TCF25: variants seen among roughly 807,000 people sequenced by gnomAD.
TCF25 encodes ribosome quality control complex subunit TCF25.
A neutral mutation model predicts 83.1 loss-of-function variants in TCF25; 41 were observed. The ratio of observed to expected loss-of-function variants is 0.49; its 90% confidence interval spans 0.38 to 0.64. The LOEUF is 0.64. Among genes scored for constraint, TCF25 ranks in the 30% least tolerant of loss-of-function variants. The pLI, the probability that TCF25 is intolerant of heterozygous loss-of-function variation, is 0.00. For missense variants in TCF25, 979 were observed against 914.5 expected, an observed-to-expected ratio of 1.07 and a Z score of -0.91; for synonymous variants, 458 against 365.0, an observed-to-expected ratio of 1.25 and a Z score of -2.90.
At position 89,873,830 on chromosome 16, in the gene TCF25, G is replaced by T; in HGVS notation, c.163G>T (p.Gly55Cys). Residue 55 changes from glycine to cysteine, a missense_variant, in exon 1 of 18, where the codon GGC (glycine) becomes TGC (cysteine). Transcript: ENST00000263346. ...VRRPGGAGKE[G>C]VRVNNRFELI... ...GCGTCCCGGGGGCGCAGGGAAGGAGGGCGTCCGAGTCAACAACCGCTTCGA... is the reference window on the plus strand; with the variant it reads ...GCGTCCCGGGGGCGCAGGGAAGGAGTGCGTCCGAGTCAACAACCGCTTCGA... 1 of 1,578,820 alleles carries T rather than the reference G, an allele frequency of 6.3e-7. No individual in the cohort carries two copies. The highest frequency in any genetic ancestry group is 1.1e-5 in the South Asian group (1 of 87,070).
At chr16:89,898,430 T>G (rs1597349385) in intron 9 of TCF25, 127 bp from the exon 10 acceptor site, 4 of 774,142 alleles carry the variant, frequency 5.2e-6, no homozygotes, top group Non-Finnish European at 6.3e-6. Flanking sequence ...GTGTGTGGGG[T>G]GGAATGGGTG....
chr16:89,879,302 T>A (rs536196530), intron 1 of TCF25, among the ~76,000 whole-genome samples: 1 of 137,296 alleles, frequency 7.3e-6, no homozygotes, highest in African/African-American at 2.9e-5. Flanking sequence ...CAGACGGGCT[T>A]CAGAGCCTGT....
At position 89,895,135 on chromosome 16, in the gene TCF25, T is replaced by C. The variant is rs370050755; in HGVS notation, c.926T>C (p.Val309Ala). The C allele has an allele frequency of 3.7e-6, 6 of 1,611,852 alleles. No individual in the cohort carries two copies. The African/African-American group carries it at 6.7e-5, about 18-fold the overall frequency. Residue 309 changes from valine to alanine, a missense_variant and splice_region_variant, in exon 8 of 18, where the codon GTA (valine) becomes GCA (alanine). Val to Ala is a moderately conservative substitution (Grantham distance 64). Coordinates refer to ENST00000263346, the MANE Select transcript of TCF25 (RefSeq NM_014972.3). The part of the protein sequence containing the change: ...QEDQEMARDL[V>A]ERALYSMECA... ...GATCAGGAGATGGCTCGAGACCTCG[T>C]AGGTAAGGCAGAGCCCCCACCCCAT... is the stretch of plus-strand genomic sequence containing the variant.
chr16:89,891,550 C>A (rs1000634261), intron 5 of TCF25, among the ~76,000 whole-genome samples: 1 of 152,214 alleles, frequency 6.6e-6, no homozygotes, highest in African/African-American at 2.4e-5. Flanking sequence ...GCAGAGTGCC[C>A]TGACCTCTGT....
At chr16:89,878,520 C>T (rs2042363245) in intron 1 of TCF25, 1 of 1,230,348 alleles carries the variant, frequency 8.1e-7, no homozygotes. Flanking sequence ...TGGTTATTAA[C>T]TGAAATGCTG....
chr16:89,906,387 C>T (rs111384444), intron 15 of TCF25, 103 bp downstream of exon 15: 35 of 1,148,444 alleles, frequency 3.0e-5, no homozygotes, highest in African/African-American at 2.3e-4. Context: ...TGCGGGCTCC[C>T]TCAGCAGCCC....
chr16:89,908,654 C>G (rs1364548956), intron 16 of TCF25, among the ~76,000 whole-genome samples: 12 of 97,524 alleles, frequency 1.2e-4, no homozygotes, highest in African/African-American at 2.5e-4. Context: ...CCAGCTCCCA[C>G]CTCCCAGCTC....
At chr16:89,908,811 C>T (rs924221447) in intron 16 of TCF25, among the ~76,000 whole-genome samples, 4 of 134,068 alleles carry the variant, frequency 3.0e-5, no homozygotes, top group East Asian at 2.2e-4. Context: ...GCTCCCACCT[C>T]GCAGCTCCCA....
rs1158972744 is a variant in TCF25 at position 89,908,948 on chromosome 16, G to T, written c.1799+1626G>T. ...TGAGAGATGGGGCTCAGGGCTAAGTGGGTCTTTCCCCTCACAGGAAGGGAG... is the reference window on the plus strand; with the variant it reads ...TGAGAGATGGGGCTCAGGGCTAAGTTGGTCTTTCCCCTCACAGGAAGGGAG... On this transcript the variant is annotated intron_variant, in intron 16 of 17. Coordinates refer to ENST00000263346, the MANE Select transcript of TCF25 (RefSeq NM_014972.3). 3.1e-6 allele frequency: 4 copies of T among 1,289,222 alleles called. No homozygotes were observed. The African/African-American group carries it at 6.1e-5, about 20-fold the overall frequency. The allele number at this position is 1,289,222 out of a possible 1,614,324, so 79.9% of individuals were successfully genotyped here. A position where few individuals can be genotyped will look rare whatever the true frequency, so the allele number is the denominator to read the frequency against.
intron 9 of TCF25, among the ~76,000 whole-genome samples, chr16:89,897,956 A>G (rs1440167230): frequency 1.3e-5 from 2 of 152,092 alleles, no homozygotes; most frequent in African/African-American, 4.8e-5. Context: ...ACAAAAAATC[A>G]GCTGGGTGTG....
chr16:89,894,450 G>A (rs541933406), intron 7 of TCF25, among the ~76,000 whole-genome samples: 4 of 152,130 alleles, frequency 2.6e-5, no homozygotes, highest in Admixed American at 6.5e-5. Flanking sequence ...GACAGCCTCC[G>A]CAGAGCTCCC....
chr16:89,875,820 C>CTTTTT lies in TCF25; in HGVS notation c.192+1985_192+1989dup, dbSNP rs1164528945. ...TACAGGCGTGAGCCACTGCGCCTGGCTTTTTTTTTTTTTTTTTTTTTTTTT... is the reference window on the plus strand; with the variant it reads ...TACAGGCGTGAGCCACTGCGCCTGGCTTTTTTTTTTTTTTTTTTTTTTTTTTTTTT... On this transcript the variant is annotated intron_variant, in intron 1 of 17. Coordinates refer to ENST00000263346, the MANE Select transcript of TCF25 (RefSeq NM_014972.3). 4.5e-4 allele frequency among the ~76,000 whole-genome samples: 29 copies of CTTTTT among 64,862 alleles called. 7 individuals carry two copies. The highest frequency in any genetic ancestry group is 1.3e-3 in the African/African-American group (23 of 17,542). 42.6% of individuals were successfully genotyped at this position (64,862 alleles called of 152,430 possible).
In TCF25 at chr16:89,873,634, T is replaced by TCC; in HGVS notation, c.-32_-31dup. On this transcript the variant is annotated 5_prime_UTR_variant, in exon 1 of 18. Transcript: ENST00000263346. ...CAGCCGAGTTTTCTGCGCTTCCTTC[T>TCC]CCCTCTCTCCAGACGTCGTGGTCGT... is the stretch of plus-strand genomic sequence containing the variant. 5 of 1,493,420 alleles carry TCC rather than the reference T, an allele frequency of 3.3e-6. No individual in the cohort carries two copies. Among genetic ancestry groups the TCC allele is most frequent in the Non-Finnish European group, 4.4e-6 (5 of 1,125,290 alleles). 92.5% of individuals were successfully genotyped at this position (1,493,420 alleles called of 1,614,324 possible).
At chr16:89,883,292 C>T in intron 1 of TCF25, 59 bp from the exon 2 acceptor site, 1 of 1,587,474 alleles carries the variant, frequency 6.3e-7, no homozygotes, top group South Asian at 1.1e-5. Flanking sequence ...ATTCATATCT[C>T]AGCATGAGCG....
chr16:89,884,935 C>T (rs2042880788), intron 3 of TCF25, among the ~76,000 whole-genome samples: 2 of 89,342 alleles, frequency 2.2e-5, no homozygotes, highest in African/African-American at 5.5e-5. Flanking sequence ...TCTCCCTCTG[C>T]CTGACGCCCT....
At position 89,908,930 on chromosome 16, in the gene TCF25, T is replaced by C. The variant is rs201633846; in HGVS notation, c.1799+1608T>C. ...TCTTTCAGACCCAGATGCTGAGAGA[T>C]GGGGCTCAGGGCTAAGTGGGTCTTT... On this transcript the variant is annotated intron_variant, in intron 16 of 17. Coordinates refer to ENST00000263346, the MANE Select transcript of TCF25 (RefSeq NM_014972.3). 5.6e-5 allele frequency: 72 copies of C among 1,287,900 alleles called. No homozygotes were observed. In the East Asian group the frequency reaches 3.1e-3, roughly 56 times the overall value. 79.8% of individuals were successfully genotyped at this position (1,287,900 alleles called of 1,614,324 possible).
rs1006185465 is a variant in TCF25, at chr16:89,897,551, C to G, written c.1023-1006C>G. Among the ~76,000 whole-genome samples, 85 of 152,262 alleles carry G rather than the reference C, an allele frequency of 5.6e-4. 1 individual carries two copies. Among genetic ancestry groups the G allele is most frequent in the Non-Finnish European group, 1.2e-4 (8 of 68,044 alleles). Reference sequence around the variant, plus strand: ...GTGTGCTGGGTCTGAATTTCCTCCACTGGTTTTCTTTATGTTAGTTTTGTC... The same window carrying G: ...GTGTGCTGGGTCTGAATTTCCTCCAGTGGTTTTCTTTATGTTAGTTTTGTC... On this transcript the variant is annotated intron_variant, in intron 9 of 17. Coordinates refer to ENST00000263346, the MANE Select transcript of TCF25 (RefSeq NM_014972.3).
Position 89,896,044 on chromosome 16 carries a change from G to C in TCF25, c.983G>C (p.Ser328Thr), listed in dbSNP as rs1215126158. 1 of 1,613,800 alleles carries C rather than the reference G, an allele frequency of 6.2e-7. No individual in the cohort carries two copies. Among genetic ancestry groups the C allele is most frequent in the Non-Finnish European group, 8.5e-7 (1 of 1,180,014 alleles). ...TTCCACCCCCTGTTCAGTCTCACCA[G>C]TGGGGCCTGCCGGCTGGATTACCGC... is the stretch of plus-strand genomic sequence containing the variant. ...CAFHPLFSLT[S>T]GACRLDYRRP... Residue 328 changes from serine to threonine, a missense_variant, in exon 9 of 18, where the codon AGT becomes ACT. By Grantham distance (58) the Ser-to-Thr change is moderately conservative. Coordinates refer to ENST00000263346, the MANE Select transcript of TCF25 (RefSeq NM_014972.3).
At position 89,885,424 on chromosome 16, in the gene TCF25, A is replaced by G. The variant is rs187595249; in HGVS notation, c.430-424A>G. Among the ~76,000 whole-genome samples the G allele has an allele frequency of 2.8e-3, 424 of 152,260 alleles. 3 individuals are homozygous for G. The highest frequency in any genetic ancestry group is 9.9e-3 in the African/African-American group (410 of 41,560). ...TGTCCCATGCTTATGGGTTAATTGC[A>G]TGGTGGGTACAGAACCCTCCACTGG... is the stretch of plus-strand genomic sequence containing the variant. On this transcript the variant is annotated intron_variant, in intron 3 of 17. Coordinates refer to ENST00000263346, the MANE Select transcript of TCF25 (RefSeq NM_014972.3).
Sources: allele counts gnomAD v4.1 joint callset (sites outside exome capture counted in the v4.1 genomes callset), GRCh38; gene constraint gnomAD v4.1.1; transcripts MANE v1.5; gene names NCBI Gene and HGNC (gene_info 2026-07-23, HGNC 2026-07-21).